Variants in RBFOX1 observed in about 807,000 individuals in gnomAD.
RBFOX1 encodes the protein RNA binding fox-1 homolog 1.
In RBFOX1, 8 loss-of-function variants were observed where a neutral mutation model predicts 57.7. That is an observed-to-expected ratio of 0.14 (90% CI 0.08 to 0.25). The LOEUF (loss-of-function observed/expected upper bound fraction) is 0.25, where lower values mean the gene tolerates loss of function less well. Ranked by LOEUF, RBFOX1 falls within the 10% of genes least tolerant of loss-of-function variation. The pLI is 1.00. For synonymous variants in RBFOX1, 326 were observed against 222.4 expected (o/e 1.47, Z -4.15); for missense variants, 611 against 548.5 (o/e 1.11, Z -1.14).
intron 4 of RBFOX1, among the ~76,000 whole-genome samples, chr16:5,972,495 G>A (rs920457685): frequency 6.6e-6 from 1 of 152,172 alleles, no homozygotes; most frequent in Non-Finnish European, 1.5e-5. Flanking sequence ...CTCTTAAAAT[G>A]AGAATGTTTC....
chr16:6,855,681 C>T (rs910887309), intron 3 of RBFOX1, among the ~76,000 whole-genome samples: 1 of 151,508 alleles, frequency 6.6e-6, no homozygotes, highest in East Asian at 2.0e-4. Context: ...TCTTTTAACT[C>T]TGGAGAGTTA....
chr16:7,141,905 A>T (rs2073882362), intron 4 of RBFOX1, among the ~76,000 whole-genome samples: 1 of 152,004 alleles, frequency 6.6e-6, no homozygotes, highest in Non-Finnish European at 1.5e-5. Context: ...GAAATTCATA[A>T]ATCTGTCATG....
chr16:7,170,241 C>A (rs190149080), intron 4 of RBFOX1, among the ~76,000 whole-genome samples: 3 of 152,234 alleles, frequency 2.0e-5, no homozygotes, highest in Admixed American at 1.3e-4. Flanking sequence ...ATAACAGTAA[C>A]AATTTATCCT....
At chr16:5,515,618 ATTT>A (rs2043763738) in intron 2 of RBFOX1, among the ~76,000 whole-genome samples, 1 of 152,220 alleles carries the variant, frequency 6.6e-6, no homozygotes, top group Non-Finnish European at 1.5e-5. Flanking sequence ...TGCCTGATCA[ATTT>A]GGGTACGGTT....
chr16:7,033,704 G>T (rs1419664887), intron 3 of RBFOX1, among the ~76,000 whole-genome samples: 1 of 152,028 alleles, frequency 6.6e-6, no homozygotes, highest in Non-Finnish European at 1.5e-5. Context: ...ACAGTAGAAA[G>T]ACATTTTGTC....
At chr16:5,416,111 A>G (rs1221070355) in intron 1 of RBFOX1, among the ~76,000 whole-genome samples, 2 of 152,230 alleles carry the variant, frequency 1.3e-5, no homozygotes, top group East Asian at 3.8e-4. Flanking sequence ...CATCTCGTTT[A>G]TGAGAGTTGA....
At chr16:7,395,690 T>C (rs949536373) in intron 4 of RBFOX1, among the ~76,000 whole-genome samples, 1 of 152,334 alleles carries the variant, frequency 6.6e-6, no homozygotes, top group Middle Eastern at 3.4e-3. Flanking sequence ...TAGATGTGTC[T>C]ATAGACTTGC....
chr16:5,881,816 G>T (rs2057770991), intron 4 of RBFOX1, among the ~76,000 whole-genome samples: 1 of 152,150 alleles, frequency 6.6e-6, no homozygotes, highest in African/African-American at 2.4e-5. Context: ...AATGTATTTT[G>T]CAGAAAGTAA....
At chr16:6,231,708 C>T (rs2097461833) in intron 1 of RBFOX1, among the ~76,000 whole-genome samples, 1 of 152,126 alleles carries the variant, frequency 6.6e-6, no homozygotes, top group African/African-American at 2.4e-5. Flanking sequence ...CTGCCCTGGA[C>T]TTGGAAGGAG....
intron 10 of RBFOX1, among the ~76,000 whole-genome samples, chr16:7,615,507 T>C (rs1007482371): frequency 2.0e-5 from 3 of 152,194 alleles, no homozygotes; most frequent in Non-Finnish European, 2.9e-5. Context: ...GAAGTTATGA[T>C]GCCAGTGGGT....
intron 4 of RBFOX1, among the ~76,000 whole-genome samples, chr16:5,961,168 C>A (rs1167160816): frequency 7.2e-6 from 1 of 138,056 alleles, no homozygotes; most frequent in African/African-American, 2.7e-5. Flanking sequence ...GAATTTTGAG[C>A]CTTTTTTTCA....
chr16:7,180,461 G>GTT (rs978969040), intron 4 of RBFOX1, among the ~76,000 whole-genome samples: 3 of 152,054 alleles, frequency 2.0e-5, no homozygotes, highest in African/African-American at 7.2e-5. Context: ...CTACAGACGT[G>GTT]TTTTCAGAAA....
At position 5,282,643 on chromosome 16, in the gene RBFOX1, T is replaced by C. The variant is rs138845288; in HGVS notation, c.219+42538T>C. ...GGCATTTTGCCCCTGCTGTAGAGATTTGTGGAATTTTGAACTTGAGAGAGA... is the reference window on the plus strand; with the variant it reads ...GGCATTTTGCCCCTGCTGTAGAGATCTGTGGAATTTTGAACTTGAGAGAGA... On this transcript the variant is annotated intron_variant, in intron 1 of 2. Transcript: ENST00000585867. 6.2e-4 allele frequency among the ~76,000 whole-genome samples: 94 copies of C among 152,320 alleles called. 1 individual carries two copies. The East Asian group carries it at 0.017, about 27-fold the overall frequency.
chr16:6,825,133 A>G (rs2091954036), intron 3 of RBFOX1, among the ~76,000 whole-genome samples: 1 of 150,996 alleles, frequency 6.6e-6, no homozygotes, highest in Non-Finnish European at 1.5e-5. Context: ...AGTAGCTAGG[A>G]TTAACAACCT....
At chr16:6,238,348 A>G (rs2097522515) in intron 1 of RBFOX1, among the ~76,000 whole-genome samples, 1 of 152,132 alleles carries the variant, frequency 6.6e-6, no homozygotes. Context: ...CCTCTATCAC[A>G]TTACAGGCGC....
At chr16:6,847,996 A>AT (rs941214743) in intron 3 of RBFOX1, among the ~76,000 whole-genome samples, 6 of 151,890 alleles carry the variant, frequency 4.0e-5, no homozygotes, top group Non-Finnish European at 7.4e-5. Flanking sequence ...TGCCCGGCTA[A>AT]TTTTTTTATT....
At chr16:7,364,590 CAAAA>C (rs796271662) in intron 4 of RBFOX1, among the ~76,000 whole-genome samples, 40 of 122,832 alleles carry the variant, frequency 3.3e-4, no homozygotes, top group African/African-American at 3.0e-5. Flanking sequence ...AAAAAAAAAA[CAAAA>C]AAAAAAAACT....
chr16:5,968,214 ATGGG>A, intron 4 of RBFOX1, among the ~76,000 whole-genome samples: 1 of 152,192 alleles, frequency 6.6e-6, no homozygotes, highest in East Asian at 1.9e-4. Flanking sequence ...AGCTGGGATT[ATGGG>A]CATGTACCAC....
At chr16:5,598,985 C>G (rs777471972) in exon 3 of RBFOX1, 1 of 1,510,474 alleles carries the variant, frequency 6.6e-7, no homozygotes. Context: ...TTTTGCTGAA[C>G]AGATTAGATT....
Sources: allele counts gnomAD v4.1 joint callset (sites outside exome capture counted in the v4.1 genomes callset), GRCh38; gene constraint gnomAD v4.1.1; transcripts MANE v1.5; gene names NCBI Gene and HGNC (gene_info 2026-07-23, HGNC 2026-07-21).